The following CDH18 variants were observed in gnomAD, a reference collection of about 807,000 sequenced individuals.
CDH18 encodes cadherin-18.
CDH18 carries 31 observed loss-of-function variants against 67.9 expected under a neutral mutation model. The ratio of observed to expected loss-of-function variants is 0.46; its 90% CI spans 0.34 to 0.62. The LOEUF (loss-of-function observed/expected upper bound fraction) is 0.62, where lower values mean the gene tolerates loss of function less well. CDH18 is among the 20% of genes least tolerant of loss of function. The probability of loss-of-function intolerance (pLI) is 0.01; values close to 1 mark genes in which losing one functional copy is unlikely to be tolerated. For synonymous variants in CDH18, 362 were observed against 347.2 expected, an observed-to-expected ratio of 1.04 and a Z score of -0.48; for missense variants, 890 against 975.5, an observed-to-expected ratio of 0.91 and a Z score of 1.17.
chr5:20,164,479 G>A (rs181391381), intron 2 of CDH18, among the ~76,000 whole-genome samples: 4 of 150,594 alleles, frequency 2.7e-5, no homozygotes, highest in African/African-American at 9.8e-5. Context: ...TAGTAGAGAC[G>A]AGTTTATCTA....
At chr5:20,058,805 T>C (rs1742215653) in intron 2 of CDH18, among the ~76,000 whole-genome samples, 1 of 152,150 alleles carries the variant, frequency 6.6e-6, no homozygotes, top group African/African-American at 2.4e-5. Flanking sequence ...CATGGCAAAC[T>C]CCAGTTTACA....
intron 5 of CDH18, among the ~76,000 whole-genome samples, chr5:19,706,562 T>C (rs1019888489): frequency 2.6e-5 from 4 of 152,180 alleles, no homozygotes; most frequent in Non-Finnish European, 5.9e-5. Flanking sequence ...CTTATGTACA[T>C]GTATGTGTGG....
rs1781553245 is a variant in CDH18, at chr5:19,835,761, CTA to C, written c.228+2996_228+2997del. Reference sequence around the variant, plus strand: ...GGCAAATTAGAATAAAGTAGAAAGACTATGAGCGAGGTGTCCCTGGGTCAGAT... The same window carrying C: ...GGCAAATTAGAATAAAGTAGAAAGACTGAGCGAGGTGTCCCTGGGTCAGAT... On this transcript the variant is annotated intron_variant, in intron 3 of 12. Coordinates refer to ENST00000382275, the MANE Select transcript of CDH18 (RefSeq NM_004934.5). Among the ~76,000 whole-genome samples the C allele has an allele frequency of 2.0e-5, 3 of 152,058 alleles. No individual in the cohort carries two copies. The South Asian group carries it at 6.2e-4, about 31-fold the overall frequency.
chr5:19,639,148 A>C (rs994839260), intron 5 of CDH18, among the ~76,000 whole-genome samples: 3 of 151,368 alleles, frequency 2.0e-5, no homozygotes, highest in Non-Finnish European at 3.0e-5. Context: ...GACTACAGGC[A>C]CCCGCCACCA....
Position 20,017,637 on chromosome 5 carries a change from T to C in CDH18, c.-517-25623A>G, listed in dbSNP as rs1248637686. Reference sequence around the variant, plus strand: ...ACTGACAAGTGTAGAGAAATAACTATGTTGTCACATCAGTGGTCACCAGTT... The same window carrying C: ...ACTGACAAGTGTAGAGAAATAACTACGTTGTCACATCAGTGGTCACCAGTT... On this transcript the variant is annotated intron_variant, in intron 2 of 14. Coordinates refer to the CDH18 transcript ENST00000507958. Among the ~76,000 whole-genome samples, 5 of 152,212 alleles carry C rather than the reference T, an allele frequency of 3.3e-5. No individual in the cohort carries two copies. The East Asian group carries it at 9.6e-4, about 29-fold the overall frequency.
At chr5:19,766,005 G>A (rs1338774425) in intron 3 of CDH18, among the ~76,000 whole-genome samples, 4 of 151,676 alleles carry the variant, frequency 2.6e-5, no homozygotes, top group African/African-American at 9.7e-5. Flanking sequence ...TCAGCCTCCC[G>A]AGTAGCTGGG....
intron 2 of CDH18, among the ~76,000 whole-genome samples, chr5:19,878,614 C>G (rs1264792444): frequency 1.3e-5 from 2 of 151,900 alleles, no homozygotes; most frequent in African/African-American, 4.8e-5. Context: ...TTCTCTCATT[C>G]TCTCATTTAA....
intron 2 of CDH18, among the ~76,000 whole-genome samples, chr5:19,887,928 A>T (rs1788395480): frequency 6.6e-6 from 1 of 151,980 alleles, no homozygotes; most frequent in Admixed American, 6.6e-5. Flanking sequence ...TTTTGAATTG[A>T]ATATTCAGTT....
intron 2 of CDH18, among the ~76,000 whole-genome samples, chr5:20,129,153 G>T (rs950856362): frequency 6.6e-6 from 1 of 151,838 alleles, no homozygotes; most frequent in Admixed American, 6.6e-5. Flanking sequence ...TGTAGAAAAG[G>T]TTGATTGAGA....
rs562823791 is a variant in CDH18 at position 19,543,144 on chromosome 5, G to A, written c.1390+725C>T. Among the ~76,000 whole-genome samples, 6 of 151,888 alleles carry A rather than the reference G, an allele frequency of 4.0e-5. No homozygotes were observed. The East Asian group carries it at 7.8e-4, about 20-fold the overall frequency. ...TAATTGGTACTTTTGGTCTACTTAC[G>A]AATATGTTAAAAAAACTTTATTGTT... On this transcript the variant is annotated intron_variant, in intron 9 of 12. Transcript: ENST00000382275.
At chr5:20,425,926 C>A (rs1215963448) in intron 1 of CDH18, among the ~76,000 whole-genome samples, 1 of 151,010 alleles carries the variant, frequency 6.6e-6, no homozygotes, top group Non-Finnish European at 1.5e-5. Context: ...TGCATTCTCT[C>A]CCAGATAACA....
chr5:19,968,165 C>A (rs964138135), intron 2 of CDH18, among the ~76,000 whole-genome samples: 35 of 152,050 alleles, frequency 2.3e-4, no homozygotes, highest in Non-Finnish European at 3.4e-4. Flanking sequence ...AGGATAACTA[C>A]AAACCACTGC....
chr5:20,394,640 C>G (rs1358130453), intron 1 of CDH18, among the ~76,000 whole-genome samples: 3 of 152,038 alleles, frequency 2.0e-5, no homozygotes, highest in African/African-American at 7.2e-5. Flanking sequence ...TCAGAGTGAA[C>G]ATATAACCCA....
In CDH18 at chr5:20,512,038, T is replaced by C. The variant is rs921658513; in HGVS notation, c.-580+63424A>G. On this transcript the variant is annotated intron_variant, in intron 1 of 14. Transcript: ENST00000507958. The stretch of plus-strand genomic sequence containing the variant: ...GAGTTCAAGACCAGTCTGGCCAACA[T>C]AGTGAAACCCCATCTCTACTAAAAA... Among the ~76,000 whole-genome samples the C allele has an allele frequency of 2.0e-5, 3 of 151,962 alleles. No individual in the cohort carries two copies. The East Asian group carries it at 5.8e-4, about 29-fold the overall frequency.
chr5:19,673,937 C>T (rs936560327), intron 5 of CDH18, among the ~76,000 whole-genome samples: 13 of 152,118 alleles, frequency 8.5e-5, no homozygotes, highest in African/African-American at 3.1e-4. Flanking sequence ...ATTATATAAA[C>T]CACATCTTTA....
At chr5:19,485,591 A>C (rs1228616677) in intron 11 of CDH18, among the ~76,000 whole-genome samples, 1 of 152,104 alleles carries the variant, frequency 6.6e-6, no homozygotes, top group African/African-American at 2.4e-5. Flanking sequence ...GGATAGAGAA[A>C]GAAGTGGAGA....
chr5:19,705,007 C>A (rs1030382849), intron 5 of CDH18, among the ~76,000 whole-genome samples: 2 of 152,162 alleles, frequency 1.3e-5, no homozygotes, highest in African/African-American at 4.8e-5. Flanking sequence ...ACAATTCCTG[C>A]AGTAAACAAC....
chr5:20,240,159 T>C (rs534771361), intron 2 of CDH18, among the ~76,000 whole-genome samples: 1 of 151,688 alleles, frequency 6.6e-6, no homozygotes, highest in Non-Finnish European at 1.5e-5. Flanking sequence ...ACTTAAAGTA[T>C]AATTAAAAAA....
rs184502757 is a variant in CDH18 at position 19,533,403 on chromosome 5, T to C, written c.1390+10466A>G. 4.3e-3 allele frequency among the ~76,000 whole-genome samples: 652 copies of C among 152,186 alleles called. 9 individuals are homozygous for C. Among genetic ancestry groups the C allele is most frequent in the African/African-American group, 0.015 (610 of 41,536 alleles). The stretch of plus-strand genomic sequence containing the variant: ...TTGTTAGAATGGATTTAAAACAGCA[T>C]GGAAGAAAAGAGAGTACAAACTGTG... On this transcript the variant is annotated intron_variant, in intron 9 of 12. Transcript: ENST00000382275.
Sources: gnomAD v4.1 joint callset for allele counts (sites outside exome capture counted in the v4.1 genomes callset) on GRCh38, gnomAD v4.1.1 for gene constraint, MANE v1.5 for transcripts, NCBI Gene and HGNC (gene_info 2026-07-23, HGNC 2026-07-21) for gene names.